CHCHD6: variants seen among roughly 807,000 people sequenced by gnomAD.
CHCHD6 encodes MICOS complex subunit MIC25.
Under a neutral mutation model 32.3 loss-of-function variants are expected in CHCHD6, and 28 were observed. The observed-to-expected ratio is 0.87, with a 90% CI of 0.64 to 1.19. CHCHD6 has a LOEUF of 1.19. Ranked by LOEUF, CHCHD6 falls within the 50% of genes most tolerant of loss-of-function variation. CHCHD6 has a pLI of 0.00. For synonymous variants in CHCHD6, 122 were observed against 117.5 expected (o/e 1.04, Z -0.25); for missense variants, 333 against 307.0 (o/e 1.08, Z -0.63).
intron 5 of CHCHD6, among the ~76,000 whole-genome samples, chr3:126,862,009 T>A (rs984024148): frequency 1.4e-3 from 5 of 3,464 alleles, no homozygotes; most frequent in Admixed American, 3.6e-3. Context: ...CATCACCACC[T>A]CCCCCTCCTC....
chr3:126,817,139 C>T (rs1261331965), intron 4 of CHCHD6, among the ~76,000 whole-genome samples: 2 of 152,122 alleles, frequency 1.3e-5, no homozygotes, highest in African/African-American at 4.8e-5. Flanking sequence ...CTTAAACAAT[C>T]GCCGACTGCT....
At chr3:126,821,584 A>G (rs927855325) in intron 4 of CHCHD6, among the ~76,000 whole-genome samples, 8 of 152,238 alleles carry the variant, frequency 5.3e-5, no homozygotes, top group Admixed American at 2.6e-4. Context: ...ATGAGCCAGC[A>G]CACCTGGCCT....
At chr3:126,786,375 T>A (rs530228209) in intron 4 of CHCHD6, among the ~76,000 whole-genome samples, 1 of 152,368 alleles carries the variant, frequency 6.6e-6, no homozygotes, top group Non-Finnish European at 1.5e-5. Context: ...ATGGTATTTC[T>A]AGTTCAATAT....
intron 4 of CHCHD6, among the ~76,000 whole-genome samples, chr3:126,770,051 T>C (rs916344754): frequency 2.0e-5 from 3 of 152,176 alleles, no homozygotes; most frequent in African/African-American, 4.8e-5. Flanking sequence ...ATTGTAGAGA[T>C]TTTTTACCTC....
intron 5 of CHCHD6, among the ~76,000 whole-genome samples, chr3:126,863,881 A>ACCTCCTCCTCCACCATCAACACCT (rs1942099705): frequency 1.9e-5 from 2 of 104,448 alleles, no homozygotes; most frequent in African/African-American, 3.7e-5. Context: ...CACCATCACC[A>ACCTCCTCCTCCACCATCAACACCT]CCTCCTCCTC....
At chr3:126,757,130 A>G (rs926199619) in intron 4 of CHCHD6, among the ~76,000 whole-genome samples, 3 of 152,200 alleles carry the variant, frequency 2.0e-5, no homozygotes, top group African/African-American at 7.2e-5. Context: ...GCAGTCTAGA[A>G]TGCTCCCAAA....
At chr3:126,767,804 G>A (rs765310030) in intron 4 of CHCHD6, among the ~76,000 whole-genome samples, 5 of 152,178 alleles carry the variant, frequency 3.3e-5, no homozygotes, top group African/African-American at 4.8e-5. Context: ...GTATCCAAGT[G>A]TTTTCATTGT....
At chr3:126,835,137 G>A (rs569650956) in intron 4 of CHCHD6, among the ~76,000 whole-genome samples, 1 of 152,246 alleles carries the variant, frequency 6.6e-6, no homozygotes, top group East Asian at 1.9e-4. Context: ...CCCCTGAGGG[G>A]CCCCTGAGAG....
chr3:126,799,842 A>G (rs1938980524), intron 4 of CHCHD6, among the ~76,000 whole-genome samples: 1 of 152,224 alleles, frequency 6.6e-6, no homozygotes, highest in Non-Finnish European at 1.5e-5. Context: ...CCTTCCAAAT[A>G]ATACTAGAGT....
chr3:126,942,542 A>G (rs1166911650), intron 6 of CHCHD6, among the ~76,000 whole-genome samples: 3 of 152,176 alleles, frequency 2.0e-5, no homozygotes, highest in Admixed American at 6.5e-5. Flanking sequence ...GCTATAATCT[A>G]TAACTTATTT....
intron 5 of CHCHD6, among the ~76,000 whole-genome samples, chr3:126,886,404 ATTG>A (rs2077680530): frequency 6.6e-6 from 1 of 152,168 alleles, no homozygotes; most frequent in South Asian, 2.1e-4. Context: ...TGAATCATCC[ATTG>A]TCCAGCACAT....
At chr3:126,772,257 A>G (rs988122198) in intron 4 of CHCHD6, among the ~76,000 whole-genome samples, 2 of 152,068 alleles carry the variant, frequency 1.3e-5, no homozygotes, top group Admixed American at 1.3e-4. Flanking sequence ...GCCCGCAACC[A>G]CGCCTGGCTG....
At chr3:126,728,768 T>C (rs985134639) in intron 2 of CHCHD6, among the ~76,000 whole-genome samples, 1 of 152,252 alleles carries the variant, frequency 6.6e-6, no homozygotes, top group African/African-American at 2.4e-5. Flanking sequence ...TGCTTCAGTT[T>C]GGTAAGTTCC....
chr3:126,764,049 G>A (rs372260340), intron 4 of CHCHD6, among the ~76,000 whole-genome samples: 2 of 150,816 alleles, frequency 1.3e-5, no homozygotes, highest in African/African-American at 2.4e-5. Flanking sequence ...TTATGTTATC[G>A]TCACAAATTA....
intron 6 of CHCHD6, among the ~76,000 whole-genome samples, chr3:126,934,633 C>T (rs974071101): frequency 1.4e-5 from 2 of 139,558 alleles, no homozygotes; most frequent in Non-Finnish European, 3.0e-5. Context: ...ACTGCAAGCT[C>T]TGCCTCCCGG....
intron 1 of CHCHD6, among the ~76,000 whole-genome samples, chr3:126,722,600 C>T (rs1935358625): frequency 6.6e-6 from 1 of 152,098 alleles, no homozygotes. Flanking sequence ...TGTATATCTT[C>T]TTTGGAAAAA....
At chr3:126,923,291 T>TC (rs201718367) in intron 6 of CHCHD6, among the ~76,000 whole-genome samples, 4,447 of 152,312 alleles carry the variant, frequency 0.029, 96 homozygotes, top group Non-Finnish European at 0.04. Context: ...TAGAATGACC[T>TC]CCCTCTTTTT....
chr3:126,772,305 G>C (rs548269706), intron 4 of CHCHD6, among the ~76,000 whole-genome samples: 1 of 152,080 alleles, frequency 6.6e-6, no homozygotes, highest in Non-Finnish European at 1.5e-5. Context: ...GTTTCACCAT[G>C]TTAGCCAGGA....
intron 4 of CHCHD6, among the ~76,000 whole-genome samples, chr3:126,789,242 C>G (rs1385910598): frequency 6.6e-6 from 1 of 152,098 alleles, no homozygotes; most frequent in Non-Finnish European, 1.5e-5. Context: ...TTACTTCCAA[C>G]TATGTGGTCA....
Sources: gnomAD v4.1 joint callset for allele counts (sites outside exome capture counted in the v4.1 genomes callset) on GRCh38, gnomAD v4.1.1 for gene constraint, MANE v1.5 for transcripts, NCBI Gene and HGNC (gene_info 2026-07-23, HGNC 2026-07-21) for gene names.